The following UBE2J1 variants were observed in gnomAD, a reference collection of about 807,000 sequenced individuals.
UBE2J1 encodes ubiquitin conjugating enzyme E2 J1, also known as ubiquitin-conjugating enzyme E2 J1.
Under a neutral mutation model 42.1 loss-of-function variants are expected in UBE2J1, and 17 were observed. The ratio of observed to expected loss-of-function variants is 0.40; its 90% confidence interval spans 0.28 to 0.61. The LOEUF (loss-of-function observed/expected upper bound fraction) is 0.61. UBE2J1 is among the 20% of genes least tolerant of loss of function. The probability of loss-of-function intolerance (pLI) is 0.38; values close to 1 mark genes in which losing one functional copy is unlikely to be tolerated. For missense variants in UBE2J1, 291 were observed against 389.4 expected (o/e 0.75, Z 2.13); for synonymous variants, 127 against 137.2 (o/e 0.93, Z 0.52).
In UBE2J1 at chr6:89,326,705, T is replaced by C. The variant is rs1767917486; in HGVS notation, c.*2974A>G. On this transcript the variant is annotated 3_prime_UTR_variant, in exon 8 of 8. Transcript: ENST00000435041. ...GTTCAGAAGGCGTTCCCAACAGCTT[T>C]TGAGCAATGCACAGCCTCCCATAAA... The C allele has an allele frequency of 6.6e-6, 1 of 152,228 alleles. No homozygotes were observed. The allele number at this position is 152,228 out of a possible 1,614,324, so 9.4% of individuals were successfully genotyped here. A position where few individuals can be genotyped will look rare whatever the true frequency, so the allele number is the denominator to read the frequency against.
At chr6:89,350,811 T>C (rs1463047706) in intron 1 of UBE2J1, among the ~76,000 whole-genome samples, 1 of 152,146 alleles carries the variant, frequency 6.6e-6, no homozygotes, top group East Asian at 1.9e-4. Context: ...AACAATCTCT[T>C]GGGTTCCACC....
At chr6:89,330,241 C>T (rs1194451815) in intron 7 of UBE2J1, among the ~76,000 whole-genome samples, 2 of 152,120 alleles carry the variant, frequency 1.3e-5, no homozygotes, top group Non-Finnish European at 2.9e-5. Context: ...AACACATACG[C>T]TTAATGAAAA....
At chr6:89,332,841 C>T (rs1768035073) in intron 7 of UBE2J1, among the ~76,000 whole-genome samples, 1 of 152,142 alleles carries the variant, frequency 6.6e-6, no homozygotes, top group African/African-American at 2.4e-5. Flanking sequence ...CAGAGAATCA[C>T]AGAATTCTGG....
intron 1 of UBE2J1, among the ~76,000 whole-genome samples, chr6:89,344,917 C>T (rs929472535): frequency 2.0e-5 from 3 of 152,234 alleles, no homozygotes; most frequent in African/African-American, 7.2e-5. Context: ...CTTTGATATG[C>T]ACTCTGGATC....
intron 6 of UBE2J1, 68 bp from the exon 7 acceptor site, chr6:89,333,273 A>T (rs1768044908): frequency 7.3e-6 from 11 of 1,511,096 alleles, no homozygotes; most frequent in Non-Finnish European, 9.7e-6. Flanking sequence ...ACAATCTACA[A>T]CCTGCTAAAT....
intron 1 of UBE2J1, among the ~76,000 whole-genome samples, chr6:89,347,475 A>C (rs914451674): frequency 6.6e-6 from 1 of 152,242 alleles, no homozygotes; most frequent in African/African-American, 2.4e-5. Flanking sequence ...AGAGAAGAAA[A>C]TAAACACTCA....
In UBE2J1 at chr6:89,328,132, A is replaced by G. The variant is rs1162847008; in HGVS notation, c.*1547T>C. On this transcript the variant is annotated 3_prime_UTR_variant, in exon 8 of 8. Coordinates refer to ENST00000435041, the MANE Select transcript of UBE2J1 (RefSeq NM_016021.3). ...ATTCTGTATTATATAATAGTGTACAATATGTTCTTATTTTAGATGTAGAAA... is the reference window on the plus strand; with the variant it reads ...ATTCTGTATTATATAATAGTGTACAGTATGTTCTTATTTTAGATGTAGAAA... The G allele has an allele frequency of 6.6e-6, 1 of 152,230 alleles. No homozygotes were observed. The highest frequency in any genetic ancestry group is 1.5e-5 in the Non-Finnish European group (1 of 68,042). The allele number at this position is 152,230 out of a possible 1,614,324, so 9.4% of individuals were successfully genotyped here.
chr6:89,333,006 T>C (rs1284947975), intron 7 of UBE2J1, 80 bp downstream of exon 7: 2 of 1,329,566 alleles, frequency 1.5e-6, no homozygotes, highest in Non-Finnish European at 2.0e-6. Flanking sequence ...TTCAGATATT[T>C]GATCCAGGAT....
intron 2 of UBE2J1, among the ~76,000 whole-genome samples, chr6:89,343,349 T>A (rs142510555): frequency 6.7e-6 from 1 of 149,678 alleles, no homozygotes; most frequent in African/African-American, 2.5e-5. Context: ...GCAGGAGAAT[T>A]GCTTGAACCT....
In UBE2J1 at chr6:89,327,268, G is replaced by C. The variant is rs373652025; in HGVS notation, c.*2411C>G. 1 of 152,120 alleles carries C rather than the reference G, an allele frequency of 6.6e-6. No homozygotes were observed. Among genetic ancestry groups the C allele is most frequent in the African/African-American group, 2.4e-5 (1 of 41,336 alleles). The allele number at this position is 152,120 out of a possible 1,614,324, so 9.4% of individuals were successfully genotyped here. A position where few individuals can be genotyped will look rare whatever the true frequency, so the allele number is the denominator to read the frequency against. On this transcript the variant is annotated 3_prime_UTR_variant, in exon 8 of 8. Coordinates refer to ENST00000435041, the MANE Select transcript of UBE2J1 (RefSeq NM_016021.3). ...CTATGTTGGTCAAATAAAATGTCAT[G>C]AGTTATCTAGATCTGAGGATTAAAG...
At chr6:89,333,282 A>T (rs1221414164) in intron 6 of UBE2J1, 77 bp from the exon 7 acceptor site, 7 of 1,473,916 alleles carry the variant, frequency 4.7e-6, no homozygotes, top group Non-Finnish European at 6.3e-6. Flanking sequence ...AACCTGCTAA[A>T]TCCTCTCTGT....
chr6:89,337,211 A>G (rs1768124666), intron 5 of UBE2J1, among the ~76,000 whole-genome samples: 1 of 149,704 alleles, frequency 6.7e-6, no homozygotes, highest in South Asian at 2.1e-4. Context: ...GCCTAGAAGA[A>G]CAAGAACTCC....
Position 89,328,432 on chromosome 6 carries a change from TACAA to T in UBE2J1, c.*1243_*1246del, listed in dbSNP as rs559435854. 4 of 152,300 alleles carry T rather than the reference TACAA, an allele frequency of 2.6e-5. No individual in the cohort carries two copies. The highest frequency in any genetic ancestry group is 5.9e-5 in the Non-Finnish European group (4 of 68,018). 9.4% of individuals were successfully genotyped at this position (152,300 alleles called of 1,614,324 possible). A position where few individuals can be genotyped will look rare whatever the true frequency, so the allele number is the denominator to read the frequency against. On this transcript the variant is annotated 3_prime_UTR_variant, in exon 8 of 8. Coordinates refer to ENST00000435041, the MANE Select transcript of UBE2J1 (RefSeq NM_016021.3). ...TGTTTGACTTGTAAAAAAATTAACT[TACAA>T]ATAACACTTTTGGAGCATAACCTAT... is the stretch of plus-strand genomic sequence containing the variant.
intron 7 of UBE2J1, among the ~76,000 whole-genome samples, chr6:89,330,614 T>C (rs1767991532): frequency 6.6e-6 from 1 of 152,090 alleles, no homozygotes; most frequent in Admixed American, 6.5e-5. Flanking sequence ...GCCAACATAG[T>C]GAGACACTAT....
At chr6:89,352,197 G>C (rs1328257058) in intron 1 of UBE2J1, among the ~76,000 whole-genome samples, 1 of 152,224 alleles carries the variant, frequency 6.6e-6, no homozygotes, top group African/African-American at 2.4e-5. Flanking sequence ...TAGCGACCAG[G>C]TACAGCGAGG....
chr6:89,329,705 C>T lies in UBE2J1; in HGVS notation c.931G>A (p.Glu311Lys), dbSNP rs759107261. Reference protein sequence around the residue: ...LIFRRIYLANEYIFDFEL With the variant: ...LIFRRIYLANKYIFDFEL The stretch of plus-strand genomic sequence containing the variant: ...TATAACTCAAAGTCAAATATGTATT[C>T]GTTTGCCAGATATATTCGTCGGAAT... The change falls in exon 8 of 8, where the codon GAA becomes AAA. Residue 311 changes from glutamate (E) to lysine (K), a missense_variant. This residue lies in a region of UBE2J1 where 176 missense variants were observed against 196.3 expected (regional missense o/e 0.90). Transcript: ENST00000435041. The T allele has an allele frequency of 2.1e-5, 34 of 1,613,938 alleles. No homozygotes were observed. The highest frequency in any genetic ancestry group is 1.1e-4 in the African/African-American group (8 of 74,904).
chr6:89,352,601 G>A lies in UBE2J1; in HGVS notation c.-32C>T. The A allele has an allele frequency of 6.5e-7, 1 of 1,547,384 alleles. No individual in the cohort carries two copies. The highest frequency in any genetic ancestry group is 8.7e-7 in the Non-Finnish European group (1 of 1,154,748). On this transcript the variant is annotated 5_prime_UTR_variant, in exon 1 of 8. Transcript: ENST00000435041. Reference sequence around the variant, plus strand: ...TCGCTGGCTTGGCTCCGGCCTCCCGGGCCGCTGCCACCTCCTCTCCACGCG... The same window carrying A: ...TCGCTGGCTTGGCTCCGGCCTCCCGAGCCGCTGCCACCTCCTCTCCACGCG...
chr6:89,337,941 A>G lies in UBE2J1; in HGVS notation c.428+264T>C, dbSNP rs112905646. 3.5e-4 allele frequency among the ~76,000 whole-genome samples: 53 copies of G among 152,336 alleles called. No homozygotes were observed. The East Asian group carries it at 8.9e-3, about 26-fold the overall frequency. On this transcript the variant is annotated intron_variant, in intron 5 of 7. Transcript: ENST00000435041. ...GACTGGTATTGTTTTCCAGGAGAATATATCTCCCACTGAATTTTTTAAAAA... is the reference window on the plus strand; with the variant it reads ...GACTGGTATTGTTTTCCAGGAGAATGTATCTCCCACTGAATTTTTTAAAAA...
rs981618342 is a variant in UBE2J1, at chr6:89,339,289, G to A, written c.238-746C>T. 3.4e-5 allele frequency among the ~76,000 whole-genome samples: 5 copies of A among 148,562 alleles called. No homozygotes were observed. The East Asian group carries it at 6.1e-4, about 18-fold the overall frequency. On this transcript the variant is annotated intron_variant, in intron 3 of 7. Transcript: ENST00000435041. The stretch of plus-strand genomic sequence containing the variant: ...AAAGAAAAGAAAGAAAATTAGCCAG[G>A]AGTGGTGGCATGTGCCTCTAGTCCT...
Sources: gnomAD v4.1 joint callset for allele counts (sites outside exome capture counted in the v4.1 genomes callset) on GRCh38, gnomAD v4.1.1 for gene constraint, gnomAD v4.1.1 regional missense constraint, MANE v1.5 for transcripts, NCBI Gene and HGNC (gene_info 2026-07-23, HGNC 2026-07-21) for gene names.